Variants in CSMD3 observed in about 807,000 individuals in gnomAD.
CSMD3 encodes CUB and Sushi multiple domains 3, also known as CUB and sushi domain-containing protein 3.
CSMD3 carries 177 observed loss-of-function variants against 435.2 expected under a neutral mutation model. The ratio of observed to expected loss-of-function variants is 0.41; its 90% CI spans 0.36 to 0.46. The LOEUF is 0.46. Ranked by LOEUF, CSMD3 falls within the 20% of genes least tolerant of loss-of-function variation. The pLI, the probability that CSMD3 is intolerant of heterozygous loss-of-function variation, is 0.34. For missense variants in CSMD3, 4,265 were observed against 4,504.6 expected (o/e 0.95, Z 1.52); for synonymous variants, 1,656 against 1,520.5 (o/e 1.09, Z -2.07).
chr8:113,102,625 A>G (rs2090363029), intron 4 of CSMD3, among the ~76,000 whole-genome samples: 1 of 152,162 alleles, frequency 6.6e-6, no homozygotes, highest in Admixed American at 6.6e-5. Context: ...TTCCTGAGGA[A>G]GTGATGCTGG....
chr8:113,329,164 A>G (rs1160238834), intron 1 of CSMD3, among the ~76,000 whole-genome samples: 1 of 151,562 alleles, frequency 6.6e-6, no homozygotes, highest in Non-Finnish European at 1.5e-5. Flanking sequence ...ATATATGACA[A>G]AGATTTTAAG....
chr8:113,394,159 T>TACACACACACACACACACAC (rs3080772), intron 1 of CSMD3, among the ~76,000 whole-genome samples: 3 of 137,158 alleles, frequency 2.2e-5, no homozygotes, highest in Non-Finnish European at 3.2e-5. Flanking sequence ...TTTGTTGAAT[T>TACACACACACACACACACAC]ACACACACAC....
In CSMD3 at chr8:112,472,573, G is replaced by T; in HGVS notation, c.5395+18C>A. 1 of 1,238,518 alleles carries T rather than the reference G, an allele frequency of 8.1e-7. No individual in the cohort carries two copies. The allele number at this position is 1,238,518 out of a possible 1,614,324, so 76.7% of individuals were successfully genotyped here. A position where few individuals can be genotyped will look rare whatever the true frequency, so the allele number is the denominator to read the frequency against. On this transcript the variant is annotated intron_variant, in intron 32 of 70. Transcript: ENST00000297405. ...ATGTCTGGATGAAATACTACATAAT[G>T]AGTCGAATCTTACTTACCAAACTCC...
At chr8:112,643,462 T>A (rs569265151) in intron 20 of CSMD3, 3 of 170,284 alleles carry the variant, frequency 1.8e-5, no homozygotes, top group Admixed American at 1.3e-4. Context: ...CTTAGTTGGC[T>A]CTTAAAAGAA....
rs1285510394 is a variant in CSMD3, at chr8:112,370,082, A to AAGAAGAAGAAGAAGAAGAAGAAGAAGT, written c.6136+10269_6136+10270insACTTCTTCTTCTTCTTCTTCTTCTTCT. Among the ~76,000 whole-genome samples the AAGAAGAAGAAGAAGAAGAAGAAGAAGT allele has an allele frequency of 4.9e-3, 502 of 103,292 alleles. 24 individuals are homozygous for AAGAAGAAGAAGAAGAAGAAGAAGAAGT. Among genetic ancestry groups the AAGAAGAAGAAGAAGAAGAAGAAGAAGT allele is most frequent in the African/African-American group, 0.017 (458 of 27,204 alleles). 67.8% of individuals were successfully genotyped at this position (103,292 alleles called of 152,430 possible). A position where few individuals can be genotyped will look rare whatever the true frequency, so the allele number is the denominator to read the frequency against. On this transcript the variant is annotated intron_variant, in intron 38 of 70. Transcript: ENST00000297405. The stretch of plus-strand genomic sequence containing the variant: ...GAAGAAGAAGAAGAAGAAGAAGAAG[A>AAGAAGAAGAAGAAGAAGAAGAAGAAGT]AGTAGTAGTAGTAGTAGTAGTCAGG...
chr8:112,722,281 G>T (rs2076874900), intron 13 of CSMD3, among the ~76,000 whole-genome samples: 1 of 151,482 alleles, frequency 6.6e-6, no homozygotes, highest in East Asian at 1.9e-4. Context: ...AAATTAATTA[G>T]ATCTTAGGTT....
At chr8:113,279,763 T>A (rs565124188) in intron 2 of CSMD3, among the ~76,000 whole-genome samples, 18 of 151,844 alleles carry the variant, frequency 1.2e-4, no homozygotes, top group Non-Finnish European at 2.4e-4. Flanking sequence ...CGTTGTATAA[T>A]TGATTTAAAA....
intron 3 of CSMD3, among the ~76,000 whole-genome samples, chr8:113,221,883 T>C (rs1248092307): frequency 6.6e-6 from 1 of 151,284 alleles, no homozygotes; most frequent in Non-Finnish European, 1.5e-5. Flanking sequence ...CTGTTTACTT[T>C]TTATCTCCCC....
At chr8:112,245,929 C>T (rs1432835870) in intron 64 of CSMD3, among the ~76,000 whole-genome samples, 1 of 152,134 alleles carries the variant, frequency 6.6e-6, no homozygotes, top group East Asian at 1.9e-4. Flanking sequence ...GTCTCTACTG[C>T]CATCTTAAGC....
chr8:112,420,330 T>C (rs923187680), intron 32 of CSMD3, among the ~76,000 whole-genome samples: 1 of 152,150 alleles, frequency 6.6e-6, no homozygotes, highest in African/African-American at 2.4e-5. Flanking sequence ...CATATTCTTT[T>C]TCCATAAATG....
At chr8:113,025,426 C>T (rs930224507) in intron 5 of CSMD3, among the ~76,000 whole-genome samples, 10 of 152,220 alleles carry the variant, frequency 6.6e-5, no homozygotes, top group African/African-American at 2.4e-4. Context: ...CAAAAACTTA[C>T]GGTAATAATG....
intron 24 of CSMD3, among the ~76,000 whole-genome samples, chr8:112,566,339 G>A (rs531057804): frequency 1.7e-3 from 263 of 151,956 alleles, no homozygotes; most frequent in Non-Finnish European, 2.5e-3. Flanking sequence ...CCCTCTTTGG[G>A]TTATGCCTTG....
At chr8:112,546,875 C>T (rs1812853098) in intron 27 of CSMD3, among the ~76,000 whole-genome samples, 1 of 152,176 alleles carries the variant, frequency 6.6e-6, no homozygotes, top group African/African-American at 2.4e-5. Flanking sequence ...AGGCTGCCGA[C>T]AGTGGCTTGA....
At position 113,314,778 on chromosome 8, in the gene CSMD3, C is replaced by T; in HGVS notation, c.194G>A (p.Cys65Tyr). ...ATTAAGTCCTTTTAAAGTTCCACCACATGTATAAATAAATCCTGCAACAAA... is the reference window on the plus strand; with the variant it reads ...ATTAAGTCCTTTTAAAGTTCCACCATATGTATAAATAAATCCTGCAACAAA... ...VSCVKGFIYT[C>Y]GGTLKGLNGT... The change falls in exon 2 of 71, where the codon TGT becomes TAT. Residue 65 changes from cysteine to tyrosine, a missense_variant. Around this residue, in one of 3 missense-constraint regions of CSMD3, gnomAD observed 731 missense variants for 755.4 expected, o/e 0.97. Coordinates refer to ENST00000297405, the MANE Select transcript of CSMD3 (RefSeq NM_198123.2). 1 of 1,604,628 alleles carries T rather than the reference C, an allele frequency of 6.2e-7. No homozygotes were observed. The highest frequency in any genetic ancestry group is 8.5e-7 in the Non-Finnish European group (1 of 1,172,020).
chr8:113,053,027 A>G (rs979137677), intron 5 of CSMD3, among the ~76,000 whole-genome samples: 2 of 152,192 alleles, frequency 1.3e-5, no homozygotes, highest in Admixed American at 6.5e-5. Flanking sequence ...TAATGTATCA[A>G]TAAAACAGCC....
At chr8:113,016,039 A>T (rs1274572566) in intron 6 of CSMD3, among the ~76,000 whole-genome samples, 2 of 151,896 alleles carry the variant, frequency 1.3e-5, no homozygotes, top group East Asian at 1.9e-4. Context: ...ATAATATTGA[A>T]GTGAATTTGT....
At chr8:112,888,784 C>T (rs996718725) in intron 10 of CSMD3, among the ~76,000 whole-genome samples, 1 of 151,528 alleles carries the variant, frequency 6.6e-6, no homozygotes, top group Non-Finnish European at 1.5e-5. Context: ...TTTTTCTTTC[C>T]CAGGTGTCAG....
chr8:112,292,364 A>G lies in CSMD3; in HGVS notation c.8788+173T>C, dbSNP rs548242041. Among the ~76,000 whole-genome samples, 3 of 152,286 alleles carry G rather than the reference A, an allele frequency of 2.0e-5. No individual in the cohort carries two copies. In the South Asian group the frequency reaches 6.2e-4, roughly 32 times the overall value. On this transcript the variant is annotated intron_variant, in intron 55 of 70. Coordinates refer to ENST00000297405, the MANE Select transcript of CSMD3 (RefSeq NM_198123.2). The stretch of plus-strand genomic sequence containing the variant: ...CACTTTTAACTTTTAAAAATATGTT[A>G]CAAATTTAGAAAAAGGAAAGCATTG...
At chr8:112,352,255 T>C (rs1049465855) in intron 39 of CSMD3, among the ~76,000 whole-genome samples, 161 bp downstream of exon 39, 1 of 152,178 alleles carries the variant, frequency 6.6e-6, no homozygotes, top group African/African-American at 2.4e-5. Context: ...ATTCCAGCAA[T>C]ATTTCTCATG....
Sources: gnomAD v4.1 joint callset for allele counts (sites outside exome capture counted in the v4.1 genomes callset) on GRCh38, gnomAD v4.1.1 for gene constraint, gnomAD v4.1.1 regional missense constraint, MANE v1.5 for transcripts, NCBI Gene and HGNC (gene_info 2026-07-23, HGNC 2026-07-21) for gene names.